The following EPHB1 variants were observed in gnomAD, a reference collection of about 807,000 sequenced individuals.
EPHB1 encodes EPH receptor B1.
Under a neutral mutation model 94.4 loss-of-function variants are expected in EPHB1, and 30 were observed. That is an observed-to-expected ratio of 0.32 (90% CI 0.24 to 0.43). The LOEUF (loss-of-function observed/expected upper bound fraction) is 0.43. Ranked by LOEUF, EPHB1 falls within the 20% of genes least tolerant of loss-of-function variation. The pLI, the probability that EPHB1 is intolerant of heterozygous loss-of-function variation, is 1.00. For synonymous variants in EPHB1, 522 were observed against 489.1 expected (o/e 1.07, Z -0.89); for missense variants, 1,055 against 1,308.3 (o/e 0.81, Z 2.99).
chr3:135,061,555 T>C (rs1180303324), intron 3 of EPHB1, among the ~76,000 whole-genome samples: 1 of 152,194 alleles, frequency 6.6e-6, no homozygotes, highest in African/African-American at 2.4e-5. Context: ...CATTCCTTTT[T>C]TATGGCTGAG....
chr3:134,937,299 C>T (rs1372375033), intron 2 of EPHB1, among the ~76,000 whole-genome samples: 2 of 152,222 alleles, frequency 1.3e-5, no homozygotes, highest in Non-Finnish European at 1.5e-5. Context: ...CACATGGTGG[C>T]CACATTCCCA....
At chr3:134,864,615 TTA>T (rs1429068127) in intron 1 of EPHB1, among the ~76,000 whole-genome samples, 1 of 152,240 alleles carries the variant, frequency 6.6e-6, no homozygotes, top group East Asian at 1.9e-4. Context: ...GGGAAATGAA[TTA>T]TTTTATCTCT....
chr3:134,914,609 T>C (rs1244783396), intron 1 of EPHB1, among the ~76,000 whole-genome samples: 2 of 152,112 alleles, frequency 1.3e-5, no homozygotes, highest in African/African-American at 4.8e-5. Context: ...CTGCCTTCCA[T>C]GGGCTACTAA....
chr3:134,875,863 C>A (rs1358314480), intron 1 of EPHB1, among the ~76,000 whole-genome samples: 1 of 152,202 alleles, frequency 6.6e-6, no homozygotes, highest in African/African-American at 2.4e-5. Flanking sequence ...TCCTCCACCC[C>A]CTCAGTAGCC....
intron 12 of EPHB1, among the ~76,000 whole-genome samples, chr3:135,204,524 A>G: frequency 6.6e-6 from 1 of 151,368 alleles, no homozygotes; most frequent in Non-Finnish European, 1.5e-5. Flanking sequence ...CATTTTTTTG[A>G]GACAGAGTCT....
intron 3 of EPHB1, among the ~76,000 whole-genome samples, chr3:134,997,890 C>T (rs1178779243): frequency 6.6e-6 from 1 of 152,156 alleles, no homozygotes; most frequent in Non-Finnish European, 1.5e-5. Context: ...GGTATTTTCC[C>T]TATTCTATTT....
Position 135,031,148 on chromosome 3 carries a change from C to A in EPHB1, c.806-75300C>A, listed in dbSNP as rs253874. Among the ~76,000 whole-genome samples the A allele has an allele frequency of 3.2e-3, 491 of 152,270 alleles. 2 individuals are homozygous for A. The highest frequency in any genetic ancestry group is 0.023 in the East Asian group (119 of 5,172). On this transcript the variant is annotated intron_variant, in intron 3 of 15. Coordinates refer to ENST00000398015, the MANE Select transcript of EPHB1 (RefSeq NM_004441.5). ...TGGCACTCCCTAGTGAGATGAACCCCGTACCTCAGATGGAAATGCAGAAAT... is the reference window on the plus strand; with the variant it reads ...TGGCACTCCCTAGTGAGATGAACCCAGTACCTCAGATGGAAATGCAGAAAT...
chr3:134,938,157 G>A (rs1002197382), intron 2 of EPHB1, among the ~76,000 whole-genome samples: 4 of 152,142 alleles, frequency 2.6e-5, no homozygotes, highest in African/African-American at 9.7e-5. Flanking sequence ...AAGAGATCTT[G>A]TCAGAAGGAT....
chr3:135,156,583 G>A (rs2107696121), intron 6 of EPHB1, among the ~76,000 whole-genome samples: 1 of 152,356 alleles, frequency 6.6e-6, no homozygotes, highest in South Asian at 2.1e-4. Context: ...ACCAATCCCA[G>A]TCTGTAAGGA....
chr3:135,250,109 C>T (rs35059255), intron 15 of EPHB1, among the ~76,000 whole-genome samples: 2 of 152,076 alleles, frequency 1.3e-5, no homozygotes, highest in Non-Finnish European at 2.9e-5. Context: ...ATAGGTTCTC[C>T]TTGGAAAAAA....
At chr3:135,178,231 G>GGGT (rs1942046873) in intron 9 of EPHB1, among the ~76,000 whole-genome samples, 1 of 147,164 alleles carries the variant, frequency 6.8e-6, no homozygotes, top group South Asian at 2.3e-4. Flanking sequence ...GGGAGGGGGG[G>GGGT]TGGATCATGA....
intron 15 of EPHB1, among the ~76,000 whole-genome samples, chr3:135,252,274 TTACATATGTA>T (rs1933147557): frequency 6.6e-6 from 1 of 151,594 alleles, no homozygotes; most frequent in Non-Finnish European, 1.5e-5. Flanking sequence ...TGCAGGTTAG[TTACATATGTA>T]TACATGTGCC....
At chr3:135,143,346 A>T (rs189385261) in intron 5 of EPHB1, among the ~76,000 whole-genome samples, 1 of 152,078 alleles carries the variant, frequency 6.6e-6, no homozygotes, top group Non-Finnish European at 1.5e-5. Context: ...AGGCCAGAAG[A>T]CTCAGACCTC....
chr3:134,836,763 G>A (rs1198321133), intron 1 of EPHB1, among the ~76,000 whole-genome samples: 2 of 152,120 alleles, frequency 1.3e-5, no homozygotes, highest in Non-Finnish European at 2.9e-5. Context: ...GGAAACTTAA[G>A]GTCTTTCATT....
chr3:135,125,132 T>C (rs1294958248), intron 4 of EPHB1, among the ~76,000 whole-genome samples: 1 of 151,678 alleles, frequency 6.6e-6, no homozygotes, highest in African/African-American at 2.4e-5. Context: ...TGGATGTCTT[T>C]GGCATCCTTT....
chr3:134,871,468 G>A (rs1033982238), intron 1 of EPHB1, among the ~76,000 whole-genome samples: 2 of 152,156 alleles, frequency 1.3e-5, no homozygotes, highest in Non-Finnish European at 2.9e-5. Flanking sequence ...CGGCTGGCTC[G>A]AAGTGGATTC....
intron 4 of EPHB1, among the ~76,000 whole-genome samples, chr3:135,120,666 ATTG>A (rs1939920867): frequency 6.6e-6 from 1 of 152,172 alleles, no homozygotes; most frequent in Admixed American, 6.5e-5. Flanking sequence ...TTGACCTTGA[ATTG>A]TTGTCTTAGG....
intron 3 of EPHB1, among the ~76,000 whole-genome samples, chr3:135,022,247 G>C (rs1936012046): frequency 6.6e-6 from 1 of 152,214 alleles, no homozygotes; most frequent in African/African-American, 2.4e-5. Context: ...TGGGATTACA[G>C]GCGTGAGCCA....
intron 1 of EPHB1, among the ~76,000 whole-genome samples, chr3:134,850,559 G>T (rs934352500): frequency 6.6e-6 from 1 of 152,234 alleles, no homozygotes; most frequent in African/African-American, 2.4e-5. Context: ...GTCGGGTGGG[G>T]CAGAGGATGG....
Sources: allele counts gnomAD v4.1 joint callset (sites outside exome capture counted in the v4.1 genomes callset), GRCh38; gene constraint gnomAD v4.1.1; transcripts MANE v1.5; gene names NCBI Gene and HGNC (gene_info 2026-07-23, HGNC 2026-07-21).